BMPER: variants seen among roughly 807,000 people sequenced by gnomAD.
BMPER encodes the protein BMP-binding endothelial regulator protein.
Under a neutral mutation model 87.3 loss-of-function variants are expected in BMPER, and 45 were observed. The observed-to-expected ratio is 0.52, with a 90% CI of 0.41 to 0.66. The LOEUF (loss-of-function observed/expected upper bound fraction) is 0.66. BMPER is among the 30% of genes least tolerant of loss of function. The pLI is 0.00. For synonymous variants in BMPER, 326 were observed against 316.2 expected, an observed-to-expected ratio of 1.03 and a Z score of -0.33; for missense variants, 784 against 867.5, an observed-to-expected ratio of 0.90 and a Z score of 1.21.
At chr7:34,121,844 A>G (rs756022207) in intron 13 of BMPER, among the ~76,000 whole-genome samples, 3 of 152,222 alleles carry the variant, frequency 2.0e-5, no homozygotes, top group Non-Finnish European at 4.4e-5. Flanking sequence ...AGCAAAGGCC[A>G]GGTGTGGTGG....
intron 3 of BMPER, among the ~76,000 whole-genome samples, chr7:33,946,190 A>G (rs1784890264): frequency 6.6e-6 from 1 of 152,188 alleles, no homozygotes; most frequent in Non-Finnish European, 1.5e-5. Flanking sequence ...TTATAAAACC[A>G]TCAGATCTCG....
chr7:33,909,326 G>A (rs964628737), intron 2 of BMPER, among the ~76,000 whole-genome samples: 1 of 152,154 alleles, frequency 6.6e-6, no homozygotes, highest in Admixed American at 6.5e-5. Flanking sequence ...CAGCCTATTT[G>A]TTGAGTTAAA....
intron 6 of BMPER, among the ~76,000 whole-genome samples, chr7:33,979,666 C>T (rs1785793961): frequency 6.6e-6 from 1 of 152,236 alleles, no homozygotes; most frequent in South Asian, 2.1e-4. Context: ...CACTAGCTTA[C>T]TCTTTGCCTT....
chr7:33,955,393 G>A (rs1785125898), intron 3 of BMPER, among the ~76,000 whole-genome samples: 2 of 152,310 alleles, frequency 1.3e-5, no homozygotes, highest in South Asian at 2.1e-4. Flanking sequence ...TGGCTGCACA[G>A]TTCTAAAATC....
At chr7:34,063,854 T>C (rs1014545787) in intron 11 of BMPER, among the ~76,000 whole-genome samples, 1 of 152,240 alleles carries the variant, frequency 6.6e-6, no homozygotes, top group African/African-American at 2.4e-5. Context: ...ATAAAGTGTC[T>C]TCCAGTTGAA....
At chr7:34,102,420 G>A (rs909327314) in intron 13 of BMPER, among the ~76,000 whole-genome samples, 1 of 152,162 alleles carries the variant, frequency 6.6e-6, no homozygotes, top group Non-Finnish European at 1.5e-5. Flanking sequence ...CATCAGGAGG[G>A]TCTGTGAAGA....
intron 3 of BMPER, among the ~76,000 whole-genome samples, chr7:33,962,090 A>C (rs924149655): frequency 1.3e-5 from 2 of 152,216 alleles, no homozygotes; most frequent in African/African-American, 4.8e-5. Context: ...TTAACAACAG[A>C]ATGATGAAAA....
chr7:34,093,117 T>C (rs1789435851), intron 13 of BMPER, among the ~76,000 whole-genome samples: 1 of 152,188 alleles, frequency 6.6e-6, no homozygotes, highest in African/African-American at 2.4e-5. Flanking sequence ...CTCATGGGTG[T>C]GATTTATATT....
In BMPER at chr7:34,079,150, C is replaced by T. The variant is rs777602114; in HGVS notation, c.1372C>T (p.Leu458=). Residue 458 remains leucine, a synonymous_variant, in exon 12 of 15, where the codon CTG becomes TTG. Coordinates refer to ENST00000649409, the MANE Select transcript of BMPER (RefSeq NM_001365308.1). ...PCRAPHFHID[L]DGYLLKVTTK... is the part of the protein sequence containing the mutation. ...CCGCGCGCCACACTTCCACATCGACCTGGATGGCTACCTCTTGAAAGTGAC... is the reference window on the plus strand; with the variant it reads ...CCGCGCGCCACACTTCCACATCGACTTGGATGGCTACCTCTTGAAAGTGAC... The T allele has an allele frequency of 1.4e-5, 23 of 1,613,830 alleles. No individual in the cohort carries two copies. The highest frequency in any genetic ancestry group is 1.7e-6 in the Non-Finnish European group (2 of 1,180,020).
intron 2 of BMPER, among the ~76,000 whole-genome samples, chr7:33,911,359 G>A (rs1309814439): frequency 6.6e-6 from 1 of 152,168 alleles, no homozygotes; most frequent in African/African-American, 2.4e-5. Context: ...AGACAGAACT[G>A]GGATGTGAAG....
chr7:33,974,228 G>A (rs376053559), intron 5 of BMPER, among the ~76,000 whole-genome samples: 1 of 152,154 alleles, frequency 6.6e-6, no homozygotes, highest in Non-Finnish European at 1.5e-5. Context: ...GATCATTGGG[G>A]ATGTGGAGTG....
intron 2 of BMPER, among the ~76,000 whole-genome samples, chr7:33,926,112 CAGA>C (rs1156503448): frequency 6.6e-6 from 1 of 152,152 alleles, no homozygotes; most frequent in Admixed American, 6.6e-5. Context: ...TCTTCTAGGG[CAGA>C]AGATGTGTCT....
chr7:33,964,538 C>T (rs1469556860), intron 3 of BMPER, among the ~76,000 whole-genome samples: 1 of 152,206 alleles, frequency 6.6e-6, no homozygotes, highest in Non-Finnish European at 1.5e-5. Flanking sequence ...AACAAGGCTT[C>T]CCACTGACAG....
intron 2 of BMPER, among the ~76,000 whole-genome samples, chr7:33,928,401 C>A (rs191232526): frequency 1.3e-5 from 2 of 152,030 alleles, no homozygotes; most frequent in Non-Finnish European, 2.9e-5. Context: ...TTTGCTTATA[C>A]GACGCGCAGT....
At position 34,085,951 on chromosome 7, in the gene BMPER, A is replaced by G. The variant is rs868841768; in HGVS notation, c.1604A>G (p.Asn535Ser). Residue 535 changes from asparagine (N) to serine (S), a missense_variant, in exon 13 of 15, where the codon AAC becomes AGC. Transcript: ENST00000649409. ...SWRVESNEFC[N>S]RPQRKPVPEL... is the part of the protein sequence containing the mutation. ...AGGGTGGAGTCCAATGAGTTCTGCA[A>G]CAGACCTCAGAGAAAGCCAGTGCCT... is the stretch of plus-strand genomic sequence containing the variant. 2 of 1,614,168 alleles carry G rather than the reference A, an allele frequency of 1.2e-6. No individual in the cohort carries two copies. Among genetic ancestry groups the G allele is most frequent in the Middle Eastern group, 1.6e-4 (1 of 6,062 alleles).
intron 8 of BMPER, among the ~76,000 whole-genome samples, chr7:34,053,102 A>G (rs1788188853): frequency 6.6e-6 from 1 of 152,088 alleles, no homozygotes; most frequent in Admixed American, 6.5e-5. Flanking sequence ...CTGGCATCCC[A>G]TGAATGGGAT....
chr7:34,055,244 C>T lies in BMPER; in HGVS notation c.868C>T (p.Leu290Phe). 6.2e-7 allele frequency: 1 copy of T among 1,614,136 alleles called. No homozygotes were observed. The highest frequency in any genetic ancestry group is 8.5e-7 in the Non-Finnish European group (1 of 1,180,022). The change falls in exon 9 of 15, where the codon CTC becomes TTC. Residue 290 changes from leucine (L) to phenylalanine (F), a missense_variant. By Grantham distance (22) the Leu-to-Phe change is conservative. Coordinates refer to ENST00000649409, the MANE Select transcript of BMPER (RefSeq NM_001365308.1). Reference sequence around the variant, plus strand: ...CCAGGAGGGCTGTTGTGAAGAGTGCCTCCTACGAGTGCCCCCAGAAGACAT... The same window carrying T: ...CCAGGAGGGCTGTTGTGAAGAGTGCTTCCTACGAGTGCCCCCAGAAGACAT... Reference protein sequence around the residue: ...QGQEGCCEECLLRVPPEDIKV... With the variant: ...QGQEGCCEECFLRVPPEDIKV...
intron 14 of BMPER, among the ~76,000 whole-genome samples, chr7:34,144,083 C>G (rs1246486694): frequency 6.6e-6 from 1 of 151,992 alleles, no homozygotes; most frequent in Non-Finnish European, 1.5e-5. Context: ...GATAGAAAAC[C>G]ATTGGAGAGG....
At chr7:34,149,766 T>C (rs766698232) in intron 14 of BMPER, among the ~76,000 whole-genome samples, 2 of 151,962 alleles carry the variant, frequency 1.3e-5, no homozygotes, top group Non-Finnish European at 2.9e-5. Flanking sequence ...TGGCAAGATG[T>C]TGGTGGATAT....
Sources: gnomAD v4.1 joint callset for allele counts (sites outside exome capture counted in the v4.1 genomes callset) on GRCh38, gnomAD v4.1.1 for gene constraint, MANE v1.5 for transcripts, NCBI Gene and HGNC (gene_info 2026-07-23, HGNC 2026-07-21) for gene names.